LINS1: variants seen among roughly 807,000 people sequenced by gnomAD.
The protein encoded by LINS1 is lines homolog 1.
Under a neutral mutation model 41.6 loss-of-function variants are expected in LINS1, and 27 were observed. The ratio of observed to expected loss-of-function variants is 0.65; its 90% confidence interval spans 0.48 to 0.89. LINS1 has a LOEUF of 0.89. Ranked by LOEUF, LINS1 falls within the 40% of genes least tolerant of loss-of-function variation. LINS1 has a pLI of 0.00. For missense variants in LINS1, 955 were observed against 884.1 expected (o/e 1.08, Z -1.02); for synonymous variants, 336 against 312.9 (o/e 1.07, Z -0.78).
In LINS1 at chr15:100,574,085, C is replaced by G; in HGVS notation, c.788G>C (p.Arg263Thr). The stretch of plus-strand genomic sequence containing the variant: ...AGTGAAATGTAACTTCAGGTGGATT[C>G]TGGAGGCGATGAGAAGCTCAAGCAA... Reference protein sequence around the residue: ...LDLLELLIASRIHLKLHFTCQ... With the variant: ...LDLLELLIASTIHLKLHFTCQ... The change falls in exon 5 of 7, where the codon AGA becomes ACA. Residue 263 changes from arginine (R) to threonine (T), a missense_variant. Arg to Thr is a moderately conservative substitution (Grantham distance 71). Transcript: ENST00000314742. 6.2e-7 allele frequency: 1 copy of G among 1,614,146 alleles called. No homozygotes were observed. Among genetic ancestry groups the G allele is most frequent in the Non-Finnish European group, 8.5e-7 (1 of 1,180,006 alleles).
intron 1 of LINS1, among the ~76,000 whole-genome samples, chr15:100,589,739 G>T (rs564448755): frequency 6.6e-6 from 1 of 152,226 alleles, no homozygotes; most frequent in African/African-American, 2.4e-5. Context: ...AGGTACATTT[G>T]GTCACCTGAT....
Position 100,573,881 on chromosome 15 carries a change from G to C in LINS1, c.992C>G (p.Ala331Gly). Reference sequence around the variant, plus strand: ...ATTAGCTAAAGCCAGCATGTCCACCGCTACATGATGGTCTGGCGGCATTAA... The same window carrying C: ...ATTAGCTAAAGCCAGCATGTCCACCCCTACATGATGGTCTGGCGGCATTAA... ...PALMPPDHHV[A>G]VDMLALANAV... Residue 331 changes from alanine (A) to glycine (G), a missense_variant, in exon 5 of 7, where the codon GCG (alanine) becomes GGG (glycine). Transcript: ENST00000314742. 1 of 1,614,152 alleles carries C rather than the reference G, an allele frequency of 6.2e-7. No individual in the cohort carries two copies. Among genetic ancestry groups the C allele is most frequent in the African/African-American group, 1.3e-5 (1 of 75,036 alleles).
intron 1 of LINS1, among the ~76,000 whole-genome samples, chr15:100,597,194 A>T (rs1007821261): frequency 2.0e-5 from 3 of 152,112 alleles, no homozygotes; most frequent in Non-Finnish European, 4.4e-5. Flanking sequence ...AGAAGCGAAG[A>T]ACCTGACCTG....
chr15:100,585,755 C>T (rs1368844424), intron 1 of LINS1, among the ~76,000 whole-genome samples: 1 of 151,534 alleles, frequency 6.6e-6, no homozygotes, highest in Non-Finnish European at 1.5e-5. Context: ...TAAGAGTGCT[C>T]ATACATTAAC....
intron 4 of LINS1, among the ~76,000 whole-genome samples, chr15:100,574,511 CA>C (rs755208444): frequency 1.3e-5 from 2 of 152,114 alleles, no homozygotes; most frequent in Non-Finnish European, 2.9e-5. Context: ...AGTTTGAGAC[CA>C]GCCTGGCCAA....
At chr15:100,592,205 C>T (rs1437425960) in intron 1 of LINS1, among the ~76,000 whole-genome samples, 1 of 152,190 alleles carries the variant, frequency 6.6e-6, no homozygotes, top group Non-Finnish European at 1.5e-5. Context: ...GTGGGGTGTA[C>T]TTTCATTTTC....
rs1195498506 is a variant in LINS1 at position 100,568,638 on chromosome 15, T to C, written c.*600A>G. ...AAAACTATGAGGATAATTCCAGGTG[T>C]CTGAAGCTGCGGCACACGTGGCAAG... On this transcript the variant is annotated 3_prime_UTR_variant, in exon 7 of 7. Transcript: ENST00000314742. The C allele has an allele frequency of 6.5e-6, 1 of 152,842 alleles. No individual in the cohort carries two copies. The highest frequency in any genetic ancestry group is 1.5e-5 in the Non-Finnish European group (1 of 68,526). 9.5% of individuals were successfully genotyped at this position (152,842 alleles called of 1,614,324 possible).
chr15:100,578,373 C>G (rs2038318365), intron 3 of LINS1, among the ~76,000 whole-genome samples: 1 of 152,038 alleles, frequency 6.6e-6, no homozygotes, highest in South Asian at 2.1e-4. Flanking sequence ...AGGATATGAA[C>G]AGACACTTCT....
intron 1 of LINS1, among the ~76,000 whole-genome samples, chr15:100,601,628 C>T (rs2039499613): frequency 6.6e-6 from 1 of 152,012 alleles, no homozygotes. Context: ...CTCATATAAC[C>T]CATCCCTATC....
At chr15:100,591,758 C>T (rs1586970) in intron 1 of LINS1, among the ~76,000 whole-genome samples, 127,851 of 152,090 alleles carry the variant, frequency 0.84, 54,600 homozygotes, top group Non-Finnish European at 0.91. Context: ...CAGCCACTAC[C>T]CCTGGCCATC....
In LINS1 at chr15:100,573,705, T is replaced by A. The variant is rs990043966; in HGVS notation, c.1168A>T (p.Met390Leu). ...TGAAACTTGATTTCTAAGGATTTCATTATAACTAAGCTTGCTGCTCTAAGG... is the reference window on the plus strand; with the variant it reads ...TGAAACTTGATTTCTAAGGATTTCAATATAACTAAGCTTGCTGCTCTAAGG... ...VILRAASLVI[M>L]KSLEIKFQNY... is the part of the protein sequence containing the mutation. Residue 390 changes from methionine to leucine, a missense_variant, in exon 5 of 7, where the codon ATG (methionine) becomes TTG (leucine). By Grantham distance (15) the Met-to-Leu change is conservative. Transcript: ENST00000314742. The A allele has an allele frequency of 8.1e-6, 13 of 1,612,106 alleles. No individual in the cohort carries two copies. Among genetic ancestry groups the A allele is most frequent in the Non-Finnish European group, 9.3e-6 (11 of 1,179,002 alleles).
intron 4 of LINS1, among the ~76,000 whole-genome samples, chr15:100,574,526 G>C (rs2038041791): frequency 6.6e-6 from 1 of 152,104 alleles, no homozygotes. Flanking sequence ...TGGCCAACAT[G>C]GTAAAACCCT....
chr15:100,569,869 G>A lies in LINS1; in HGVS notation c.1643C>T (p.Thr548Ile). 1 of 1,614,000 alleles carries A rather than the reference G, an allele frequency of 6.2e-7. No homozygotes were observed. The highest frequency in any genetic ancestry group is 8.5e-7 in the Non-Finnish European group (1 of 1,179,912). ...AATACTTATGTCATATTTAGATTCA[G>A]TTGCATCAAAGTTATTGCAAATGGT... is the stretch of plus-strand genomic sequence containing the variant. ...FFTICNNFDA[T>I]ESKYDISICG... The change falls in exon 7 of 7, where the codon ACT becomes ATT. Residue 548 changes from threonine (T) to isoleucine (I), a missense_variant. By Grantham distance (89) the Thr-to-Ile change is moderately conservative. Transcript: ENST00000314742.
Position 100,571,896 on chromosome 15 carries a change from G to A in LINS1, c.1392C>T (p.Thr464=). The A allele has an allele frequency of 3.1e-6, 5 of 1,614,070 alleles. No homozygotes were observed. The highest frequency in any genetic ancestry group is 4.2e-6 in the Non-Finnish European group (5 of 1,179,958). The change falls in exon 6 of 7, where the codon ACC becomes ACT. Residue 464 remains threonine, a splice_region_variant and synonymous_variant. Coordinates refer to ENST00000314742, the MANE Select transcript of LINS1 (RefSeq NM_001040616.3). ...TAATTACTTTAAAATACACTAACCT[G>A]GTCAGTGTTAAGTAGATGCCCAGTG... ...KASLGIYLTL[T]RGCEATESLT... is the part of the protein sequence containing the mutation.
At chr15:100,576,137 A>AT (rs2038161173) in intron 3 of LINS1, among the ~76,000 whole-genome samples, 1 of 152,186 alleles carries the variant, frequency 6.6e-6, no homozygotes, top group Non-Finnish European at 1.5e-5. Context: ...GAGCAAACAC[A>AT]TTCAAAAGCT....
Position 100,568,539 on chromosome 15 carries a change from G to A in LINS1, c.*699C>T, listed in dbSNP as rs2037635842. On this transcript the variant is annotated 3_prime_UTR_variant, in exon 7 of 7. Coordinates refer to ENST00000314742, the MANE Select transcript of LINS1 (RefSeq NM_001040616.3). ...GCTGGCTGCCACCAGAAGCCAGAAA[G>A]GGGCAGGGTGGGATTCTTCTCCAGA... 1 of 152,360 alleles carries A rather than the reference G, an allele frequency of 6.6e-6. No individual in the cohort carries two copies. Among genetic ancestry groups the A allele is most frequent in the Admixed American group, 6.5e-5 (1 of 15,292 alleles). The allele number at this position is 152,360 out of a possible 1,614,324, so 9.4% of individuals were successfully genotyped here.
intron 1 of LINS1, among the ~76,000 whole-genome samples, chr15:100,597,352 A>G (rs1313757990): frequency 6.6e-6 from 1 of 152,070 alleles, no homozygotes; most frequent in Non-Finnish European, 1.5e-5. Context: ...CTCAAGAGAT[A>G]ATTTAGAGAT....
At chr15:100,590,581 G>T (rs1278331907) in intron 1 of LINS1, among the ~76,000 whole-genome samples, 1 of 152,204 alleles carries the variant, frequency 6.6e-6, no homozygotes, top group Non-Finnish European at 1.5e-5. Context: ...CTGTATAACA[G>T]ATTCTTCTCT....
intron 1 of LINS1, among the ~76,000 whole-genome samples, chr15:100,593,570 G>A (rs1274115009): frequency 1.6e-5 from 2 of 127,290 alleles, no homozygotes; most frequent in African/African-American, 5.5e-5. Flanking sequence ...GGGGGGGGGG[G>A]GTGCTTAATT....
Sources: allele counts gnomAD v4.1 joint callset (sites outside exome capture counted in the v4.1 genomes callset), GRCh38; gene constraint gnomAD v4.1.1; transcripts MANE v1.5; gene names NCBI Gene and HGNC (gene_info 2026-07-23, HGNC 2026-07-21).